The following MC2R variants were observed in gnomAD, a reference collection of about 807,000 sequenced individuals.
MC2R encodes adrenocorticotropic hormone receptor.
A neutral mutation model predicts 9.8 loss-of-function variants in MC2R; 9 were observed. The observed-to-expected ratio is 0.92, with a 90% CI of 0.55 to 1.60. The LOEUF is 1.60. Ranked by LOEUF, MC2R falls within the 40% of genes most tolerant of loss-of-function variation. The pLI is 0.00. For synonymous variants in MC2R, 185 were observed against 154.7 expected, an observed-to-expected ratio of 1.20 and a Z score of -1.45; for missense variants, 370 against 389.0, an observed-to-expected ratio of 0.95 and a Z score of 0.41.
chr18:13,914,747 G>A (rs898034339), intron 1 of MC2R, among the ~76,000 whole-genome samples: 3 of 152,192 alleles, frequency 2.0e-5, no homozygotes, highest in South Asian at 2.1e-4. Context: ...CTGTTTAATC[G>A]AATGCCTGGG....
chr18:13,895,713 T>A (rs1195986526), intron 1 of MC2R, among the ~76,000 whole-genome samples: 2 of 152,212 alleles, frequency 1.3e-5, no homozygotes, highest in Non-Finnish European at 2.9e-5. Context: ...GACCTGGTTT[T>A]GGCCCGGAGC....
rs2045248880 is a variant in MC2R at position 13,883,615 on chromosome 18, A to ACT, written c.*1009_*1010insAG. ...CACACACACACACACACACACACAC[A>ACT]CACACACACACACTCTCTCTCTCTC... On this transcript the variant is annotated 3_prime_UTR_variant, in exon 2 of 2. Transcript: ENST00000327606. The ACT allele has an allele frequency of 9.0e-6, 1 of 110,506 alleles. No individual in the cohort carries two copies. Among genetic ancestry groups the ACT allele is most frequent in the African/African-American group, 4.0e-5 (1 of 25,036 alleles). The allele number at this position is 110,506 out of a possible 1,614,324, so 6.8% of individuals were successfully genotyped here.
rs2045271012 is a variant in MC2R, at chr18:13,885,533, G to A, written c.-15C>T. On this transcript the variant is annotated 5_prime_UTR_variant, in exon 2 of 2. Transcript: ENST00000327606. ...ATGTGCTTCATTTCTCCTGCTTGTG[G>A]TTAAGGCGGGGATGTTACTTGGACT... 5 of 1,613,934 alleles carry A rather than the reference G, an allele frequency of 3.1e-6. No homozygotes were observed. The highest frequency in any genetic ancestry group is 4.2e-6 in the Non-Finnish European group (5 of 1,179,988).
rs1174822676 is a variant in MC2R at position 13,896,801 on chromosome 18, C to T, written c.-128-11155G>A. Among the ~76,000 whole-genome samples, 3 of 152,294 alleles carry T rather than the reference C, an allele frequency of 2.0e-5. No homozygotes were observed. In the East Asian group the frequency reaches 5.8e-4, roughly 29 times the overall value. On this transcript the variant is annotated intron_variant, in intron 1 of 1. Coordinates refer to ENST00000327606, the MANE Select transcript of MC2R (RefSeq NM_000529.2). Reference sequence around the variant, plus strand: ...AAAGATGCATATACAATGATATTCACTGACCTGTTATATCAAGTAGTGAAA... The same window carrying T: ...AAAGATGCATATACAATGATATTCATTGACCTGTTATATCAAGTAGTGAAA...
chr18:13,907,557 A>G (rs2045420863), intron 1 of MC2R, among the ~76,000 whole-genome samples: 1 of 152,242 alleles, frequency 6.6e-6, no homozygotes, highest in Non-Finnish European at 1.5e-5. Flanking sequence ...CTGCACAGCA[A>G]GGAAAACAAT....
chr18:13,903,873 G>A (rs942545384), intron 1 of MC2R, among the ~76,000 whole-genome samples: 9 of 152,134 alleles, frequency 5.9e-5, no homozygotes, highest in Non-Finnish European at 1.0e-4. Context: ...ACAAAAAACA[G>A]GAGGATGAAA....
chr18:13,900,362 A>C (rs2045371619), intron 1 of MC2R, among the ~76,000 whole-genome samples: 1 of 152,112 alleles, frequency 6.6e-6, no homozygotes, highest in Non-Finnish European at 1.5e-5. Context: ...AGAGAACACC[A>C]GAAAGCAAAT....
rs564364626 is a variant in MC2R, at chr18:13,882,137, C to T, written c.*2488G>A. The T allele has an allele frequency of 2.6e-5, 4 of 152,326 alleles. No homozygotes were observed. In the East Asian group the frequency reaches 7.7e-4, roughly 29 times the overall value. 9.4% of individuals were successfully genotyped at this position (152,326 alleles called of 1,614,324 possible). On this transcript the variant is annotated 3_prime_UTR_variant, in exon 2 of 2. Coordinates refer to ENST00000327606, the MANE Select transcript of MC2R (RefSeq NM_000529.2). ...TCAGCTATCTGGTCCAAGGCTAGGT[C>T]ATCGATAAAGCTGAACACTCACAGT...
intron 1 of MC2R, among the ~76,000 whole-genome samples, chr18:13,899,056 G>A (rs993165260): frequency 2.6e-5 from 4 of 152,134 alleles, no homozygotes; most frequent in African/African-American, 9.7e-5. Context: ...AGAGATATAT[G>A]ACCTTTCAGA....
At chr18:13,896,879 G>A (rs756945482) in intron 1 of MC2R, among the ~76,000 whole-genome samples, 1 of 152,072 alleles carries the variant, frequency 6.6e-6, no homozygotes, top group Non-Finnish European at 1.5e-5. Flanking sequence ...AATATACTCC[G>A]CAAGTCCATA....
chr18:13,903,675 G>A (rs1428186443), intron 1 of MC2R, among the ~76,000 whole-genome samples: 1 of 152,212 alleles, frequency 6.6e-6, no homozygotes, highest in Non-Finnish European at 1.5e-5. Context: ...CCAGAGGCTG[G>A]AAAGTTAGTG....
At chr18:13,887,753 C>G (rs1398256221) in intron 1 of MC2R, among the ~76,000 whole-genome samples, 1 of 152,170 alleles carries the variant, frequency 6.6e-6, no homozygotes, top group Non-Finnish European at 1.5e-5. Context: ...TCTCTTCCTG[C>G]CTTCGGACTA....
At chr18:13,915,185 A>C (rs964164940) in intron 1 of MC2R, among the ~76,000 whole-genome samples, 2 of 152,246 alleles carry the variant, frequency 1.3e-5, no homozygotes, top group Non-Finnish European at 1.5e-5. Context: ...TAATTCTATT[A>C]GGAAAAAACT....
Position 13,885,123 on chromosome 18 carries a change from G to A in MC2R, c.396C>T (p.Ile132=). 1 of 1,614,184 alleles carries A rather than the reference G, an allele frequency of 6.2e-7. No homozygotes were observed. Among genetic ancestry groups the A allele is most frequent in the South Asian group, 1.1e-5 (1 of 91,084 alleles). Residue 132 remains isoleucine, a synonymous_variant, in exon 2 of 2, where the codon ATC becomes ATT. Transcript: ENST00000327606. ...TGCTGTGGTACCGCAGTGCGTGGAAGATGGTGATGTAGCGGTCCGCAGCAA... is the reference window on the plus strand; with the variant it reads ...TGCTGTGGTACCGCAGTGCGTGGAAAATGGTGATGTAGCGGTCCGCAGCAA... ...SVIAADRYIT[I]FHALRYHSIV... is the part of the protein sequence containing the mutation.
intron 1 of MC2R, among the ~76,000 whole-genome samples, chr18:13,908,740 G>A (rs1306413097): frequency 6.6e-6 from 1 of 151,846 alleles, no homozygotes; most frequent in Non-Finnish European, 1.5e-5. Context: ...GTGTGTGTGT[G>A]TGTATTTCAA....
intron 1 of MC2R, among the ~76,000 whole-genome samples, chr18:13,902,262 A>G (rs1289143111): frequency 1.3e-5 from 2 of 152,128 alleles, no homozygotes; most frequent in Non-Finnish European, 2.9e-5. Flanking sequence ...ACATAATAAA[A>G]GCTATACACA....
At chr18:13,898,039 A>G (rs1245158511) in intron 1 of MC2R, among the ~76,000 whole-genome samples, 1 of 151,956 alleles carries the variant, frequency 6.6e-6, no homozygotes, top group Non-Finnish European at 1.5e-5. Context: ...GTACCAGCAT[A>G]GCCACTGTGG....
intron 1 of MC2R, among the ~76,000 whole-genome samples, chr18:13,897,165 C>T (rs2149139199): frequency 6.6e-6 from 1 of 152,294 alleles, no homozygotes; most frequent in East Asian, 1.9e-4. Flanking sequence ...CCCCAAACCC[C>T]CCAGTGGTAG....
intron 1 of MC2R, among the ~76,000 whole-genome samples, chr18:13,897,015 A>G (rs903264066): frequency 6.6e-6 from 1 of 152,220 alleles, no homozygotes; most frequent in Admixed American, 6.5e-5. Flanking sequence ...ACACCAATTC[A>G]ACAACTATCT....
Sources: gnomAD v4.1 joint callset for allele counts (sites outside exome capture counted in the v4.1 genomes callset) on GRCh38, gnomAD v4.1.1 for gene constraint, MANE v1.5 for transcripts, NCBI Gene and HGNC (gene_info 2026-07-23, HGNC 2026-07-21) for gene names.